ABCB5: variants seen among roughly 807,000 people sequenced by gnomAD.
ABCB5 encodes the protein ATP-binding cassette sub-family B member 5.
In ABCB5, 155 loss-of-function variants were observed where a neutral mutation model predicts 144.2. That is an observed-to-expected ratio of 1.08 (90% CI 0.94 to 1.23). ABCB5 has a LOEUF of 1.23. ABCB5 is among the 50% of genes most tolerant of loss of function. The pLI, the probability that ABCB5 is intolerant of heterozygous loss-of-function variation, is 0.00. For synonymous variants in ABCB5, 610 were observed against 528.6 expected, an observed-to-expected ratio of 1.15 and a Z score of -2.11; for missense variants, 1,830 against 1,520.8, an observed-to-expected ratio of 1.20 and a Z score of -3.38.
In ABCB5 at chr7:20,632,031, T is replaced by A. The variant is rs186505679; in HGVS notation, c.260-28T>A. The A allele has an allele frequency of 1.1e-4, 154 of 1,423,470 alleles. No homozygotes were observed. The East Asian group carries it at 3.8e-3, about 35-fold the overall frequency. 88.2% of individuals were successfully genotyped at this position (1,423,470 alleles called of 1,614,324 possible). ...TGTGACCAATTATAAATTAATTTCCTCTATATTTTAAATAACCTTTTTTAC... is the reference window on the plus strand; with the variant it reads ...TGTGACCAATTATAAATTAATTTCCACTATATTTTAAATAACCTTTTTTAC... On this transcript the variant is annotated intron_variant, in intron 4 of 27. Coordinates refer to ENST00000404938, the MANE Select transcript of ABCB5 (RefSeq NM_001163941.2).
intron 16 of ABCB5, among the ~76,000 whole-genome samples, chr7:20,698,029 G>A (rs1055004890): frequency 2.4e-4 from 36 of 152,118 alleles, no homozygotes; most frequent in African/African-American, 8.2e-4. Context: ...CTTAGCTTCT[G>A]CCTAGATTTT....
intron 5 of ABCB5, among the ~76,000 whole-genome samples, chr7:20,640,323 C>T (rs879491485): frequency 4.6e-5 from 7 of 152,140 alleles, no homozygotes; most frequent in Non-Finnish European, 7.4e-5. Context: ...TTTTCGTCAA[C>T]CAAATAATAC....
intron 23 of ABCB5, among the ~76,000 whole-genome samples, chr7:20,730,826 C>T (rs778507087): frequency 1.3e-5 from 2 of 152,136 alleles, no homozygotes; most frequent in Non-Finnish European, 2.9e-5. Flanking sequence ...GTTTGAAACT[C>T]AAAACATGTT....
intron 12 of ABCB5, among the ~76,000 whole-genome samples, chr7:20,651,206 T>C (rs1309001132): frequency 6.6e-6 from 1 of 152,216 alleles, no homozygotes; most frequent in Admixed American, 6.5e-5. Context: ...TGGCAAGGTT[T>C]TAGGCCAATT....
At chr7:20,658,371 C>T (rs76913103) in intron 13 of ABCB5, 135 bp from the exon 14 acceptor site, 64,890 of 601,958 alleles carry the variant, frequency 0.11, 4,082 homozygotes, top group Non-Finnish European at 0.12. Context: ...AAGAACAAAT[C>T]AAAAGACATA....
intron 1 of ABCB5, among the ~76,000 whole-genome samples, chr7:20,616,083 T>C (rs1783677382): frequency 6.6e-6 from 1 of 152,230 alleles, no homozygotes; most frequent in Non-Finnish European, 1.5e-5. Context: ...TCACCCAGGC[T>C]GGAGTGCAGT....
At chr7:20,661,476 G>A (rs1784999422) in intron 14 of ABCB5, among the ~76,000 whole-genome samples, 2 of 151,904 alleles carry the variant, frequency 1.3e-5, no homozygotes. Context: ...GGACTTCGAT[G>A]AGTGTGATCC....
chr7:20,690,488 G>C (rs944892360), intron 16 of ABCB5, among the ~76,000 whole-genome samples: 1 of 152,112 alleles, frequency 6.6e-6, no homozygotes, highest in African/African-American at 2.4e-5. Context: ...GTCTTCCAAA[G>C]GAGTCCACGA....
rs1562589948 is a variant in ABCB5 at position 20,743,496 on chromosome 7, TGCACGGTTAAG to T, written c.3222+425_3222+435del. Among the ~76,000 whole-genome samples, 4 of 152,314 alleles carry T rather than the reference TGCACGGTTAAG, an allele frequency of 2.6e-5. No individual in the cohort carries two copies. In the East Asian group the frequency reaches 7.7e-4, roughly 29 times the overall value. ...CCACCTCCCAACTGTCAAAACTTTA[TGCACGGTTAAG>T]GCTTATTGGAATCAGCTCCATGAAG... On this transcript the variant is annotated intron_variant, in intron 25 of 27. Transcript: ENST00000404938.
intron 16 of ABCB5, among the ~76,000 whole-genome samples, chr7:20,697,424 G>C (rs981549866): frequency 2.6e-5 from 4 of 152,138 alleles, no homozygotes; most frequent in African/African-American, 9.7e-5. Context: ...AAATACCAAA[G>C]AATTCACTGT....
At chr7:20,724,941 G>GA (rs1781988767) in intron 21 of ABCB5, among the ~76,000 whole-genome samples, 1 of 152,078 alleles carries the variant, frequency 6.6e-6, no homozygotes, top group Non-Finnish European at 1.5e-5. Flanking sequence ...ATTCGCCTCA[G>GA]AGACAGTAAA....
intron 16 of ABCB5, among the ~76,000 whole-genome samples, chr7:20,695,893 T>C (rs1405051217): frequency 6.6e-6 from 1 of 151,850 alleles, no homozygotes. Context: ...GTTAGAATGG[T>C]TAAATCTAAA....
chr7:20,671,517 C>T (rs1785459085), intron 14 of ABCB5, among the ~76,000 whole-genome samples: 1 of 152,294 alleles, frequency 6.6e-6, no homozygotes, highest in Non-Finnish European at 1.5e-5. Flanking sequence ...TTGCTTACTG[C>T]CACTAGAGAT....
chr7:20,681,020 TTCTTTCTTTCTTTCTCTTTCTTTCTTTC>T (rs1785787378), intron 14 of ABCB5, among the ~76,000 whole-genome samples: 2 of 8,974 alleles, frequency 2.2e-4, no homozygotes, highest in African/African-American at 8.5e-4. Context: ...CTTTCTTTCT[TTCTTTCTTTCTTTCTCTTTCTTTCTTTC>T]TCTCTCTCTC....
intron 1 of ABCB5, among the ~76,000 whole-genome samples, chr7:20,616,201 A>G (rs1237217421): frequency 6.6e-6 from 1 of 152,142 alleles, no homozygotes; most frequent in Non-Finnish European, 1.5e-5. Flanking sequence ...ATGCCCAGCT[A>G]ATTTTTTTAT....
intron 15 of ABCB5, among the ~76,000 whole-genome samples, chr7:20,682,342 G>A (rs1785857249): frequency 1.3e-5 from 2 of 152,142 alleles, no homozygotes; most frequent in Admixed American, 1.3e-4. Flanking sequence ...GCAAAATTGT[G>A]CATATAGATA....
At chr7:20,710,444 G>A (rs140741537) in intron 20 of ABCB5, among the ~76,000 whole-genome samples, 2 of 140,920 alleles carry the variant, frequency 1.4e-5, no homozygotes, top group South Asian at 4.7e-4. Context: ...AATTTGAATT[G>A]CATACCACTT....
In ABCB5 at chr7:20,643,470, C is replaced by CA; in HGVS notation, c.520dup (p.Ile174AsnfsTer3). The CA allele has an allele frequency of 6.2e-7, 1 of 1,613,970 alleles. No homozygotes were observed. The highest frequency in any genetic ancestry group is 1.3e-5 in the African/African-American group (1 of 75,036). On this transcript the variant is annotated frameshift_variant, in exon 7 of 28. Coordinates refer to ENST00000404938, the MANE Select transcript of ABCB5 (RefSeq NM_001163941.2). LOFTEE classifies it high-confidence loss of function. ...TATTTGCTTGTTTCAGTGACATTGA[C>CA]AAAATCAGTGATGGTATTGGAGATA...
chr7:20,717,437 CTTTT>C (rs557306157), intron 20 of ABCB5, among the ~76,000 whole-genome samples: 5 of 132,994 alleles, frequency 3.8e-5, no homozygotes, highest in South Asian at 2.4e-4. Context: ...CAGATTTCCT[CTTTT>C]TTTTTTTTTT....
Sources: gnomAD v4.1 joint callset for allele counts (sites outside exome capture counted in the v4.1 genomes callset) on GRCh38, gnomAD v4.1.1 for gene constraint, MANE v1.5 for transcripts, NCBI Gene and HGNC (gene_info 2026-07-23, HGNC 2026-07-21) for gene names.